Variants in CASP10 observed in about 807,000 individuals in gnomAD.
CASP10 encodes the protein caspase-10.
Under a neutral mutation model 48.5 loss-of-function variants are expected in CASP10, and 41 were observed. That is an observed-to-expected ratio of 0.85 (90% CI 0.66 to 1.10). CASP10 has a LOEUF of 1.10. CASP10 is among the 50% of genes least tolerant of loss of function. CASP10 has a pLI of 0.00. For missense variants in CASP10, 614 were observed against 614.5 expected (o/e 1.00, Z 0.01); for synonymous variants, 232 against 238.4 (o/e 0.97, Z 0.25).
Position 201,184,783 on chromosome 2 carries a change from C to T in CASP10, c.-7-988C>T, listed in dbSNP as rs539914119. Among the ~76,000 whole-genome samples the T allele has an allele frequency of 9.8e-4, 149 of 152,172 alleles. 1 individual carries two copies. Among genetic ancestry groups the T allele is most frequent in the African/African-American group, 3.3e-3 (139 of 41,516 alleles). ...TGATGAAATTTAGTATAGAGAATAG[C>T]ATAGTTTATAAACTGATCAGATGGA... On this transcript the variant is annotated intron_variant, in intron 1 of 9. Coordinates refer to ENST00000286186, the MANE Select transcript of CASP10 (RefSeq NM_032977.4).
rs6750157 is a variant in CASP10, at chr2:201,208,426, C to T, written c.922+243C>T. 0.014 allele frequency: 13,259 copies of T among 963,430 alleles called. 1,337 individuals carry two copies. The African/African-American group carries it at 0.22, about 16-fold the overall frequency. 59.7% of individuals were successfully genotyped at this position (963,430 alleles called of 1,614,324 possible). The stretch of plus-strand genomic sequence containing the variant: ...TGGGGGAGAGCCTGCTGGATTGGCA[C>T]GAGACAACTTGGGCGTGAGCTCCAG... On this transcript the variant is annotated intron_variant, in intron 8 of 9. Coordinates refer to ENST00000286186, the MANE Select transcript of CASP10 (RefSeq NM_032977.4).
At chr2:201,204,049 CCA>C (rs1945120059) in intron 6 of CASP10, among the ~76,000 whole-genome samples, 1 of 152,152 alleles carries the variant, frequency 6.6e-6, no homozygotes, top group Non-Finnish European at 1.5e-5. Flanking sequence ...CAGAATTAGG[CCA>C]CCCTCTGTGC....
chr2:201,187,546 T>C, intron 2 of CASP10, 160 bp from the exon 3 acceptor site: 1 of 694,608 alleles, frequency 1.4e-6, no homozygotes, highest in East Asian at 2.6e-5. Flanking sequence ...ACTTAGAAAC[T>C]GAAAGTTTTC....
rs1348490509 is a variant in CASP10, at chr2:201,219,828, C to T, written c.*2087C>T. ...TCCAAAGTCCTGTGGTTAACGCCTT[C>T]ATTTATAGATGAGGCAGCTGAGGCC... On this transcript the variant is annotated 3_prime_UTR_variant, in exon 10 of 10. Coordinates refer to ENST00000286186, the MANE Select transcript of CASP10 (RefSeq NM_032977.4). 4 of 983,256 alleles carry T rather than the reference C, an allele frequency of 4.1e-6. No homozygotes were observed. In the Admixed American group the frequency reaches 2.5e-4, roughly 62 times the overall value. 60.9% of individuals were successfully genotyped at this position (983,256 alleles called of 1,614,324 possible). A position where few individuals can be genotyped will look rare whatever the true frequency, so the allele number is the denominator to read the frequency against.
In CASP10 at chr2:201,205,775, G is replaced by A. The variant is rs545284252; in HGVS notation, c.722-107G>A. Reference sequence around the variant, plus strand: ...CATGGTGGCTGAATTTGTCTCAGGAGGGCCTTGAGAGAAGCATAATTCTCC... The same window carrying A: ...CATGGTGGCTGAATTTGTCTCAGGAAGGCCTTGAGAGAAGCATAATTCTCC... On this transcript the variant is annotated intron_variant, in intron 6 of 9. Transcript: ENST00000286186. The A allele has an allele frequency of 8.1e-6, 6 of 740,070 alleles. No homozygotes were observed. The African/African-American group carries it at 1.0e-4, about 13-fold the overall frequency. 45.8% of individuals were successfully genotyped at this position (740,070 alleles called of 1,614,324 possible). A position where few individuals can be genotyped will look rare whatever the true frequency, so the allele number is the denominator to read the frequency against.
At chr2:201,184,095 C>T (rs1274986024) in intron 1 of CASP10, among the ~76,000 whole-genome samples, 2 of 151,342 alleles carry the variant, frequency 1.3e-5, no homozygotes, top group East Asian at 1.9e-4. Flanking sequence ...GGGGTTTCAC[C>T]GTGTTGCCCA....
intron 8 of CASP10, 65 bp from the exon 9 acceptor site, chr2:201,209,005 A>G (rs1379828779): frequency 2.6e-6 from 4 of 1,553,898 alleles, no homozygotes; most frequent in Admixed American, 1.9e-5. Context: ...TTTGTTTTGC[A>G]TCATTTTATT....
At chr2:201,226,781 A>G (rs1323492896) in intron 9 of CASP10, among the ~76,000 whole-genome samples, 2 of 152,236 alleles carry the variant, frequency 1.3e-5, no homozygotes, top group Admixed American at 6.5e-5. Context: ...ATAAAGGAAT[A>G]CTATCAAGTA....
At chr2:201,208,470 G>A in intron 8 of CASP10, 1 of 566,920 alleles carries the variant, frequency 1.8e-6, no homozygotes, top group East Asian at 1.4e-4. Context: ...CTAACTAGGT[G>A]TGTGATCATG....
At position 201,219,569 on chromosome 2, in the gene CASP10, A is replaced by C. The variant is rs373636173; in HGVS notation, c.*1828A>C. On this transcript the variant is annotated 3_prime_UTR_variant, in exon 10 of 10. Coordinates refer to ENST00000286186, the MANE Select transcript of CASP10 (RefSeq NM_032977.4). ...AAGGCATGAGGAGAGAGGCTGTGTCAGAAACTGAAGCTGTTCTCAGGATCA... is the reference window on the plus strand; with the variant it reads ...AAGGCATGAGGAGAGAGGCTGTGTCCGAAACTGAAGCTGTTCTCAGGATCA... 119 of 985,392 alleles carry C rather than the reference A, an allele frequency of 1.2e-4. No individual in the cohort carries two copies. The South Asian group carries it at 3.9e-3, about 32-fold the overall frequency. 61.0% of individuals were successfully genotyped at this position (985,392 alleles called of 1,614,324 possible).
At chr2:201,190,767 CAAGAA>C (rs1429358086) in intron 3 of CASP10, among the ~76,000 whole-genome samples, 1 of 151,840 alleles carries the variant, frequency 6.6e-6, no homozygotes, top group African/African-American at 2.4e-5. Context: ...AGTTTTCAAA[CAAGAA>C]AAGCTGGAAA....
At chr2:201,198,434 A>G (rs1437904020) in intron 5 of CASP10, among the ~76,000 whole-genome samples, 1 of 151,660 alleles carries the variant, frequency 6.6e-6, no homozygotes, top group African/African-American at 2.4e-5. Context: ...TATGTTGGCC[A>G]GGCTGATCTC....
chr2:201,185,651 C>G, intron 1 of CASP10, 120 bp from the exon 2 acceptor site: 1 of 749,542 alleles, frequency 1.3e-6, no homozygotes, highest in Non-Finnish European at 2.4e-6. Context: ...TTTTTCAGCA[C>G]TTCTAGGAAA....
At chr2:201,197,791 T>C (rs879486449) in intron 5 of CASP10, among the ~76,000 whole-genome samples, 3 of 152,252 alleles carry the variant, frequency 2.0e-5, no homozygotes, top group East Asian at 3.8e-4. Flanking sequence ...ACCTTTTGAC[T>C]ATTTTTAATA....
At chr2:201,195,736 G>T in intron 4 of CASP10, 106 bp from the exon 5 acceptor site, 2 of 812,898 alleles carry the variant, frequency 2.5e-6, no homozygotes, top group East Asian at 5.0e-5. Context: ...GCAGTGCAGT[G>T]GGGCAATCTT....
chr2:201,187,136 T>A (rs1325473723), intron 2 of CASP10, among the ~76,000 whole-genome samples: 3 of 152,214 alleles, frequency 2.0e-5, no homozygotes, highest in Non-Finnish European at 4.4e-5. Context: ...TGAGTTGCCC[T>A]TGAGTCAGTG....
rs1241267470 is a variant in CASP10 at position 201,220,233 on chromosome 2, A to G, written c.*2492A>G. On this transcript the variant is annotated 3_prime_UTR_variant, in exon 10 of 10. Coordinates refer to ENST00000286186, the MANE Select transcript of CASP10 (RefSeq NM_032977.4). ...AAGTTCCAGTTCCCTTTCTAGCCTC[A>G]TGCATTTCAAGGAAATCACTTCTTT... The G allele has an allele frequency of 3.9e-6, 3 of 767,966 alleles. No homozygotes were observed. Among genetic ancestry groups the G allele is most frequent in the Non-Finnish European group, 4.7e-6 (3 of 631,780 alleles). The allele number at this position is 767,966 out of a possible 1,614,324, so 47.6% of individuals were successfully genotyped here. A position where few individuals can be genotyped will look rare whatever the true frequency, so the allele number is the denominator to read the frequency against.
At chr2:201,195,986 G>A (rs770785873) in intron 5 of CASP10, 38 bp downstream of exon 5, 13 of 1,403,120 alleles carry the variant, frequency 9.3e-6, no homozygotes, top group Admixed American at 3.4e-5. Flanking sequence ...CTTAACAACC[G>A]GCTCCACCCT....
chr2:201,193,302 G>T, intron 4 of CASP10, 183 bp downstream of exon 4: 1 of 509,710 alleles, frequency 2.0e-6, no homozygotes, highest in Admixed American at 2.8e-5. Flanking sequence ...CCGCCTCCCG[G>T]GTTCAAGTGA....
Sources: gnomAD v4.1 joint callset for allele counts (sites outside exome capture counted in the v4.1 genomes callset) on GRCh38, gnomAD v4.1.1 for gene constraint, MANE v1.5 for transcripts, NCBI Gene and HGNC (gene_info 2026-07-23, HGNC 2026-07-21) for gene names.